UBASH3A: variants seen among roughly 807,000 people sequenced by gnomAD.
UBASH3A encodes ubiquitin-associated and SH3 domain-containing protein A.
UBASH3A carries 63 observed loss-of-function variants against 73.5 expected under a neutral mutation model. The observed-to-expected ratio is 0.86, with a 90% confidence interval of 0.70 to 1.06. The LOEUF (loss-of-function observed/expected upper bound fraction) is 1.06. UBASH3A is among the 50% of genes least tolerant of loss of function. The pLI is 0.00. For synonymous variants in UBASH3A, 363 were observed against 351.1 expected (o/e 1.03, Z -0.38); for missense variants, 860 against 859.0 (o/e 1.00, Z -0.02).
chr21:42,409,369 G>A, intron 2 of UBASH3A, 53 bp from the exon 3 acceptor site: 1 of 1,497,410 alleles, frequency 6.7e-7, no homozygotes, highest in South Asian at 1.4e-5. Context: ...CCTCAAAGGG[G>A]AAAACTCTTT....
In UBASH3A at chr21:42,413,202, C is replaced by T. The variant is rs759782987; in HGVS notation, c.533C>T (p.Thr178Met). The T allele has an allele frequency of 2.4e-5, 38 of 1,614,100 alleles. 1 individual carries two copies. Among genetic ancestry groups the T allele is most frequent in the Middle Eastern group, 3.3e-4 (2 of 6,084 alleles). The change falls in exon 4 of 15, where the codon ACG becomes ATG. Residue 178 changes from threonine (T) to methionine (M), a missense_variant. Thr to Met is a moderately conservative substitution (Grantham distance 81). Transcript: ENST00000319294. The surrounding 1 kb of genome is among the most constrained non-coding windows in gnomAD (Gnocchi z 4.5). The part of the protein sequence containing the change: ...VIREFAMTFA[T>M]EASLLAGTSV... ...CGGGAATTCGCCATGACCTTCGCCA[C>T]GGAAGCATCTCTCTTAGCAGGTGGG... is the stretch of plus-strand genomic sequence containing the variant.
At position 42,444,647 on chromosome 21, in the gene UBASH3A, C is replaced by A; in HGVS notation, c.1848+4C>A. On this transcript the variant is annotated splice_donor_region_variant and intron_variant, in intron 14 of 14. Transcript: ENST00000319294. ...TTTTGCCCAACTCGTGAGAAAGGTA[C>A]GCGCCCACTCTTGGCTCTTTGGGCC... The A allele has an allele frequency of 6.2e-7, 1 of 1,606,520 alleles. No individual in the cohort carries two copies. The highest frequency in any genetic ancestry group is 8.5e-7 in the Non-Finnish European group (1 of 1,173,060).
chr21:42,425,940 T>C (rs1038133437), intron 7 of UBASH3A, among the ~76,000 whole-genome samples: 3 of 151,676 alleles, frequency 2.0e-5, no homozygotes, highest in Non-Finnish European at 4.4e-5. Flanking sequence ...TTAGTCAGGG[T>C]TCCCCACAGA....
Position 42,442,560 on chromosome 21 carries a change from T to C in UBASH3A, c.1595T>C (p.Leu532Pro), listed in dbSNP as rs1320742934. The change falls in exon 12 of 15, where the codon CTG (leucine) becomes CCG (proline). Residue 532 changes from leucine to proline, a missense_variant. Coordinates refer to ENST00000319294, the MANE Select transcript of UBASH3A (RefSeq NM_018961.4). ...CCAACCCTCATGAGCCTGGAAGAGC[T>C]GAAAGAGGCAAATTTCAACATTGAC... ...TTPTLMSLEE[L>P]KEANFNIDTD... is the part of the protein sequence containing the mutation. 1 of 1,614,070 alleles carries C rather than the reference T, an allele frequency of 6.2e-7. No individual in the cohort carries two copies. Among genetic ancestry groups the C allele is most frequent in the Admixed American group, 1.7e-5 (1 of 59,972 alleles).
chr21:42,420,655 G>A lies in UBASH3A; in HGVS notation c.1046+2046G>A, dbSNP rs145506809. 2.2e-3 allele frequency among the ~76,000 whole-genome samples: 328 copies of A among 152,296 alleles called. 2 individuals are homozygous for A. Among genetic ancestry groups the A allele is most frequent in the African/African-American group, 7.4e-3 (308 of 41,552 alleles). ...GCCTACTTAGGCTGAAAACCCATGG[G>A]CAAGCTGAAGCTTGTTGTCCACATG... On this transcript the variant is annotated intron_variant, in intron 7 of 14. Transcript: ENST00000319294.
Position 42,442,543 on chromosome 21 carries a change from C to T in UBASH3A, c.1578C>T (p.Leu526=). 6.2e-7 allele frequency: 1 copy of T among 1,614,224 alleles called. No homozygotes were observed. The highest frequency in any genetic ancestry group is 8.5e-7 in the Non-Finnish European group (1 of 1,180,032). Residue 526 remains leucine (L), a synonymous_variant, in exon 12 of 15, where the codon CTC becomes CTT. Transcript: ENST00000319294. ...KWEAGKTTPT[L]MSLEELKEAN... Reference sequence around the variant, plus strand: ...AAGCTGGCAAAACCACCCCAACCCTCATGAGCCTGGAAGAGCTGAAAGAGG... The same window carrying T: ...AAGCTGGCAAAACCACCCCAACCCTTATGAGCCTGGAAGAGCTGAAAGAGG...
intron 10 of UBASH3A, 62 bp from the exon 11 acceptor site, chr21:42,437,426 C>T: frequency 2.7e-6 from 4 of 1,476,352 alleles, no homozygotes; most frequent in Non-Finnish European, 3.8e-6. Context: ...GCACATGGCT[C>T]ATCTGCCATC....
chr21:42,432,774 A>C (rs564825537), intron 9 of UBASH3A, among the ~76,000 whole-genome samples: 1 of 152,290 alleles, frequency 6.6e-6, no homozygotes, highest in Non-Finnish European at 1.5e-5. Flanking sequence ...AGTAGGGAAA[A>C]CCATTGGCAG....
intron 7 of UBASH3A, among the ~76,000 whole-genome samples, chr21:42,424,869 C>A (rs909723768): frequency 6.6e-6 from 1 of 152,004 alleles, no homozygotes; most frequent in Non-Finnish European, 1.5e-5. Context: ...GTCTGGTGTC[C>A]TTATAAGAAG....
Position 42,437,515 on chromosome 21 carries a change from G to A in UBASH3A, c.1421G>A (p.Arg474Lys), listed in dbSNP as rs149490340. The A allele has an allele frequency of 1.4e-5, 23 of 1,614,128 alleles. No homozygotes were observed. In the African/African-American group the frequency reaches 2.0e-4, roughly 14 times the overall value. ...GACGCGCTACTGGACAGTGGTATCA[G>A]AATCAGCTCTGTGTTTGCCTCCCCA... ...AGDALLDSGI[R>K]ISSVFASPAL... The change falls in exon 11 of 15, where the codon AGA becomes AAA. Residue 474 changes from arginine (R) to lysine (K), a missense_variant. Physicochemically the swap from Arg to Lys is conservative, Grantham distance 26. Coordinates refer to ENST00000319294, the MANE Select transcript of UBASH3A (RefSeq NM_018961.4).
chr21:42,421,354 G>A (rs747458186), intron 7 of UBASH3A, among the ~76,000 whole-genome samples: 1 of 152,204 alleles, frequency 6.6e-6, no homozygotes, highest in African/African-American at 2.4e-5. Context: ...CTTCAGAGCT[G>A]TGTGGCTGGG....
intron 9 of UBASH3A, 93 bp downstream of exon 9, chr21:42,432,295 C>T: frequency 5.1e-6 from 4 of 791,376 alleles, no homozygotes; most frequent in Non-Finnish European, 8.4e-6. Context: ...CACCAGATCC[C>T]CTGAGGCACC....
intron 14 of UBASH3A, 62 bp downstream of exon 14, chr21:42,444,705 TC>T (rs1169923825): frequency 7.8e-7 from 1 of 1,286,446 alleles, no homozygotes; most frequent in Non-Finnish European, 1.1e-6. Context: ...CACAGGTTTA[TC>T]TCATCCACTT....
At chr21:42,406,241 C>A in intron 1 of UBASH3A, 67 bp from the exon 2 acceptor site, 1 of 1,346,382 alleles carries the variant, frequency 7.4e-7, no homozygotes, top group South Asian at 1.2e-5. Flanking sequence ...AGGCCACACC[C>A]TGCCTCTCTG....
intron 10 of UBASH3A, among the ~76,000 whole-genome samples, chr21:42,435,674 GGAGTTATA>G (rs1418365549): frequency 5.3e-5 from 8 of 151,170 alleles, no homozygotes; most frequent in Non-Finnish European, 1.2e-4. Flanking sequence ...TTAGAGTTAT[GGAGTTATA>G]GAGTTATAGA....
chr21:42,446,600 G>A (rs1055577871), intron 14 of UBASH3A, among the ~76,000 whole-genome samples: 2 of 152,236 alleles, frequency 1.3e-5, no homozygotes, highest in African/African-American at 2.4e-5. Flanking sequence ...ATGAAGGGAT[G>A]GAGGTCTAAA....
chr21:42,420,369 A>G (rs2053314738), intron 7 of UBASH3A, among the ~76,000 whole-genome samples: 1 of 152,142 alleles, frequency 6.6e-6, no homozygotes. Flanking sequence ...TATTTTTTAA[A>G]TTGTATTGCT....
chr21:42,427,954 G>C (rs954075041), intron 8 of UBASH3A, among the ~76,000 whole-genome samples: 1 of 152,210 alleles, frequency 6.6e-6, no homozygotes, highest in African/African-American at 2.4e-5. Flanking sequence ...CACTGAATGT[G>C]ATTGTATTTG....
At chr21:42,419,232 ATC>A (rs1262112191) in intron 7 of UBASH3A, among the ~76,000 whole-genome samples, 1 of 152,172 alleles carries the variant, frequency 6.6e-6, no homozygotes, top group Non-Finnish European at 1.5e-5. Context: ...CAGCTGAAGA[ATC>A]TCTTAATTTT....
Sources: gnomAD v4.1 joint callset for allele counts (sites outside exome capture counted in the v4.1 genomes callset) on GRCh38, gnomAD v4.1.1 for gene constraint, Gnocchi (gnomAD v3.1) non-coding constraint, MANE v1.5 for transcripts, NCBI Gene and HGNC (gene_info 2026-07-23, HGNC 2026-07-21) for gene names.